CFAP92: variants seen among roughly 807,000 people sequenced by gnomAD.
CFAP92 encodes uncharacterized protein CFAP92.
Under a neutral mutation model 106.3 loss-of-function variants are expected in CFAP92, and 86 were observed. That is an observed-to-expected ratio of 0.81 (90% confidence interval 0.68 to 0.97). The LOEUF is 0.97. Among genes scored for constraint, CFAP92 ranks in the 50% least tolerant of loss-of-function variants. The probability of loss-of-function intolerance (pLI) is 0.00; values close to 1 mark genes in which losing one functional copy is unlikely to be tolerated. For synonymous variants in CFAP92, 477 were observed against 506.4 expected, an observed-to-expected ratio of 0.94 and a Z score of 0.78; for missense variants, 1,204 against 1,283.8, an observed-to-expected ratio of 0.94 and a Z score of 0.95.
intron 1 of CFAP92, chr3:129,001,536 C>A: frequency 3.0e-6 from 4 of 1,340,868 alleles, no homozygotes; most frequent in Non-Finnish European, 2.9e-6. Flanking sequence ...ACCGCTAAGC[C>A]CCTCCTTTCG....
chr3:128,971,670 GCTAA>G (rs779623227), intron 7 of CFAP92, among the ~76,000 whole-genome samples: 4 of 152,302 alleles, frequency 2.6e-5, no homozygotes, highest in African/African-American at 4.8e-5. Context: ...CCCCGCCTCT[GCTAA>G]CTGAGAACAC....
chr3:129,003,961 C>T, upstream of CFAP92: 1 of 1,444,980 alleles, frequency 6.9e-7, no homozygotes, highest in African/African-American at 1.5e-5. Flanking sequence ...CGGAGGAGGC[C>T]CGGCAGGTGG....
intron 15 of CFAP92, among the ~76,000 whole-genome samples, chr3:128,914,204 C>T (rs1257117858): frequency 6.6e-6 from 1 of 152,186 alleles, no homozygotes; most frequent in Non-Finnish European, 1.5e-5. Flanking sequence ...AGGAAGCCTT[C>T]TTACCAAGGA....
At chr3:128,931,125 G>A (rs13090699) in intron 12 of CFAP92, among the ~76,000 whole-genome samples, 21,717 of 151,928 alleles carry the variant, frequency 0.14, 1,609 homozygotes, top group Middle Eastern at 0.16. Flanking sequence ...GGCTGGTTTC[G>A]AACTCCTGGC....
Position 128,924,507 on chromosome 3 carries a change from C to T in CFAP92, c.2751+8193G>A, listed in dbSNP as rs569012092. Among the ~76,000 whole-genome samples the T allele has an allele frequency of 5.3e-5, 7 of 133,080 alleles. No individual in the cohort carries two copies. In the South Asian group the frequency reaches 9.5e-4, roughly 18 times the overall value. The allele number at this position is 133,080 out of a possible 152,430, so 87.3% of individuals were successfully genotyped here. A position where few individuals can be genotyped will look rare whatever the true frequency, so the allele number is the denominator to read the frequency against. ...TTGCCCAGGCTGGAGTGCAATGGCG[C>T]GATCTTGGCTCACTGCAACCTCCAT... On this transcript the variant is annotated intron_variant, in intron 12 of 15. Transcript: ENST00000645291.
intron 12 of CFAP92, among the ~76,000 whole-genome samples, chr3:128,917,043 T>C (rs568030594): frequency 1.8e-4 from 28 of 152,142 alleles, no homozygotes; most frequent in Non-Finnish European, 3.7e-4. Flanking sequence ...GAATTTAAAA[T>C]AATCAGGGGA....
At chr3:128,927,703 G>A (rs1417041187) in intron 12 of CFAP92, among the ~76,000 whole-genome samples, 5 of 145,624 alleles carry the variant, frequency 3.4e-5, no homozygotes, top group Middle Eastern at 3.4e-3. Flanking sequence ...CAGCCTGGGC[G>A]ACTGAGCAAG....
chr3:128,994,895 G>A (rs895869480), upstream of CFAP92, among the ~76,000 whole-genome samples: 2 of 152,226 alleles, frequency 1.3e-5, no homozygotes, highest in African/African-American at 4.8e-5. Flanking sequence ...ATCCCAGGTA[G>A]AGGAACAGCA....
intron 11 of CFAP92, 122 bp from the exon 12 acceptor site, chr3:128,933,119 G>T: frequency 1.1e-6 from 1 of 892,674 alleles, no homozygotes; most frequent in Non-Finnish European, 1.7e-6. Context: ...AAGTCCTGGA[G>T]CTTGTGACTA....
intron 8 of CFAP92, chr3:128,967,264 A>G (rs1348090268): frequency 1.3e-5 from 2 of 152,204 alleles, no homozygotes; most frequent in Non-Finnish European, 2.9e-5. Flanking sequence ...AGCCATCTGC[A>G]CAGGCTGTGA....
intron 4 of CFAP92, among the ~76,000 whole-genome samples, chr3:128,983,895 G>C (rs976820315): frequency 4.6e-5 from 7 of 152,240 alleles, no homozygotes; most frequent in African/African-American, 1.4e-4. Context: ...GGGCAGCCAT[G>C]AACAGCTGCA....
chr3:128,925,533 A>T (rs1488733625), intron 12 of CFAP92, among the ~76,000 whole-genome samples: 1 of 152,194 alleles, frequency 6.6e-6, no homozygotes, highest in African/African-American at 2.4e-5. Flanking sequence ...ACTGTAAAAT[A>T]AAAAGTATGA....
intron 2 of CFAP92, 117 bp from the exon 3 acceptor site, chr3:128,989,035 C>T (rs1193132503): frequency 1.0e-5 from 8 of 771,356 alleles, no homozygotes; most frequent in East Asian, 2.7e-5. Context: ...ATTGCCTGCC[C>T]GACTTGGGGA....
In CFAP92 at chr3:128,945,955, G is replaced by A; in HGVS notation, c.1374C>T (p.Tyr458=). Reference sequence around the variant, plus strand: ...GAGTCTTATGGAACTGGTACTTGCAGTACACAGGCATGCACAGCCTCTACG... The same window carrying A: ...GAGTCTTATGGAACTGGTACTTGCAATACACAGGCATGCACAGCCTCTACG... ...QELERLCMPV[Y]CKYQFHKTPV... The change falls in exon 10 of 16, where the codon TAC becomes TAT. Residue 458 remains tyrosine (Y), a synonymous_variant. Transcript: ENST00000645291. The A allele has an allele frequency of 6.9e-7, 1 of 1,444,336 alleles. No individual in the cohort carries two copies. Among genetic ancestry groups the A allele is most frequent in the South Asian group, 1.5e-5 (1 of 68,058 alleles). 89.5% of individuals were successfully genotyped at this position (1,444,336 alleles called of 1,614,324 possible).
At chr3:128,998,376 C>G (rs1320738461), upstream of CFAP92, among the ~76,000 whole-genome samples, 1 of 152,088 alleles carries the variant, frequency 6.6e-6, no homozygotes, top group East Asian at 1.9e-4. Context: ...TGACTAACAA[C>G]AGGCCTATTT....
chr3:128,945,425 C>G lies in CFAP92; in HGVS notation c.1904G>C (p.Arg635Pro), dbSNP rs1046754132. The change falls in exon 10 of 16, where the codon CGA becomes CCA. Residue 635 changes from arginine (R) to proline (P), a missense_variant. Arg to Pro is a moderately radical substitution (Grantham distance 103). Transcript: ENST00000645291. ...YLEADSQLKLRVDIAVPLRAG... is the reference protein window; with the variant it reads ...YLEADSQLKLPVDIAVPLRAG... ...CCTCAGTGGCACCGCGATGTCCACT[C>G]GCAACTTGAGCTGGGAGTCAGCCTC... The G allele has an allele frequency of 8.5e-6, 13 of 1,536,142 alleles. No individual in the cohort carries two copies. The highest frequency in any genetic ancestry group is 1.7e-4 in the Middle Eastern group (1 of 5,990).
intron 3 of CFAP92, among the ~76,000 whole-genome samples, 187 bp from the exon 4 acceptor site, chr3:128,988,016 G>A (rs1346607626): frequency 6.6e-6 from 1 of 152,154 alleles, no homozygotes; most frequent in Non-Finnish European, 1.5e-5. Context: ...TCAGACTTTT[G>A]AATTCCTTAG....
intron 15 of CFAP92, among the ~76,000 whole-genome samples, chr3:128,913,824 TGCACAAAATGAA>T (rs1936593216): frequency 6.6e-6 from 1 of 152,186 alleles, no homozygotes; most frequent in Non-Finnish European, 1.5e-5. Context: ...GGCAGCATTT[TGCACAAAATGAA>T]GCATGCATAC....
At chr3:128,912,724 C>G (rs371702061) in intron 15 of CFAP92, 85 of 978,046 alleles carry the variant, frequency 8.7e-5, no homozygotes, top group Non-Finnish European at 1.3e-4. Flanking sequence ...TTTTGTTCCC[C>G]GTCTGCACCT....
Sources: allele counts gnomAD v4.1 joint callset (sites outside exome capture counted in the v4.1 genomes callset), GRCh38; gene constraint gnomAD v4.1.1; transcripts MANE v1.5; gene names NCBI Gene and HGNC (gene_info 2026-07-23, HGNC 2026-07-21).